The following CIC variants were observed in gnomAD, a reference collection of about 807,000 sequenced individuals.
CIC encodes protein capicua homolog.
Under a neutral mutation model 115.7 loss-of-function variants are expected in CIC, and 18 were observed. The observed-to-expected ratio is 0.16, with a 90% CI of 0.11 to 0.23. CIC has a LOEUF of 0.23. CIC is among the 10% of genes least tolerant of loss of function. The pLI is 1.00. For synonymous variants in CIC, 1,076 were observed against 923.0 expected, an observed-to-expected ratio of 1.17 and a Z score of -3.01; for missense variants, 2,000 against 2,159.3, an observed-to-expected ratio of 0.93 and a Z score of 1.46.
Position 42,295,251 on chromosome 19 carries a change from G to A in CIC, c.*60G>A. On this transcript the variant is annotated 3_prime_UTR_variant, in exon 21 of 21. Transcript: ENST00000681038. ...CCCCTCAGGACATGGACAGTATGTG[G>A]GGGCAGGAAGGTTATCTCCTCCCGG... 6 of 1,439,456 alleles carry A rather than the reference G, an allele frequency of 4.2e-6. No homozygotes were observed. The highest frequency in any genetic ancestry group is 5.6e-6 in the Non-Finnish European group (6 of 1,063,548). 89.2% of individuals were successfully genotyped at this position (1,439,456 alleles called of 1,614,324 possible). A position where few individuals can be genotyped will look rare whatever the true frequency, so the allele number is the denominator to read the frequency against.
intron 2 of CIC, among the ~76,000 whole-genome samples, chr19:42,281,401 G>A (rs1265934730): frequency 1.3e-5 from 2 of 152,202 alleles, no homozygotes; most frequent in African/African-American, 4.8e-5. Flanking sequence ...GGTGGCTGTT[G>A]ATGTCTTCGT....
In CIC at chr19:42,271,833, G is replaced by T. The variant is rs962567889; in HGVS notation, c.50G>T (p.Gly17Val). 2 of 398,748 alleles carry T rather than the reference G, an allele frequency of 5.0e-6. No homozygotes were observed. The highest frequency in any genetic ancestry group is 6.3e-4 in the Middle Eastern group (1 of 1,590). The allele number at this position is 398,748 out of a possible 1,614,324, so 24.7% of individuals were successfully genotyped here. The change falls in exon 2 of 21, where the codon GGC (glycine) becomes GTC (valine). Residue 17 changes from glycine to valine, a missense_variant. Coordinates refer to ENST00000681038, the MANE Select transcript of CIC (RefSeq NM_001386298.1). The part of the protein sequence containing the change: ...ACTGLSGPGS[G>V]SKSPPATRAK... ...ACTGGCCTTTCAGGTCCTGGCAGTG[G>T]CAGCAAGTCCCCCCCAGCCACCAGG...
chr19:42,274,795 G>C (rs541115997), intron 2 of CIC, among the ~76,000 whole-genome samples: 1 of 152,234 alleles, frequency 6.6e-6, no homozygotes, highest in Non-Finnish European at 1.5e-5. Flanking sequence ...GTCAGAGAAC[G>C]TGGTCTCAAG....
chr19:42,290,118 G>C, intron 10 of CIC, 115 bp from the exon 11 acceptor site: 1 of 1,506,730 alleles, frequency 6.6e-7, no homozygotes, highest in Non-Finnish European at 9.2e-7. Context: ...CCTTCAGCTG[G>C]CAGGGGTGCA....
chr19:42,294,212 G>T lies in CIC; in HGVS notation c.6962G>T (p.Arg2321Leu), dbSNP rs2038356171. The stretch of plus-strand genomic sequence containing the variant: ...CCCGAGGACCCCACCTCGCCCAAGC[G>T]CAAGATGAGAAGACGCTCCAGCTGC... ...SAPEDPTSPKRKMRRRSSCSS... is the reference protein window; with the variant it reads ...SAPEDPTSPKLKMRRRSSCSS... Residue 2321 changes from arginine (R) to leucine (L), a missense_variant, in exon 19 of 21, where the codon CGC becomes CTC. By Grantham distance (102) the Arg-to-Leu change is moderately radical (BLOSUM62 -2). Transcript: ENST00000681038. 1 of 1,613,714 alleles carries T rather than the reference G, an allele frequency of 6.2e-7. No homozygotes were observed. Among genetic ancestry groups the T allele is most frequent in the African/African-American group, 1.3e-5 (1 of 74,926 alleles).
At chr19:42,283,113 TATG>T (rs750685749) in intron 2 of CIC, among the ~76,000 whole-genome samples, 29 of 152,008 alleles carry the variant, frequency 1.9e-4, no homozygotes, top group Non-Finnish European at 3.8e-4. Flanking sequence ...GTGGGGTCGG[TATG>T]ATGGTGTCTG....
chr19:42,289,988 C>T (rs768660183), intron 10 of CIC, 37 bp downstream of exon 10: 1 of 1,516,198 alleles, frequency 6.6e-7, no homozygotes, highest in South Asian at 1.2e-5. Context: ...CCATCACACT[C>T]CCTCCTAAGC....
intron 2 of CIC, among the ~76,000 whole-genome samples, chr19:42,277,207 G>A (rs1185040731): frequency 6.6e-6 from 1 of 152,198 alleles, no homozygotes; most frequent in Non-Finnish European, 1.5e-5. Flanking sequence ...TAAGTGACTT[G>A]CCCGGGTCCT....
At chr19:42,292,064 C>G in intron 12 of CIC, 22 bp from the exon 13 acceptor site, 7 of 1,613,170 alleles carry the variant, frequency 4.3e-6, no homozygotes, top group Non-Finnish European at 5.9e-6. Flanking sequence ...TCACCCTGGC[C>G]TATGGGTGCC....
In CIC at chr19:42,294,224, G is replaced by A. The variant is rs2147343848; in HGVS notation, c.6974G>A (p.Arg2325Lys). The A allele has an allele frequency of 6.2e-7, 1 of 1,613,844 alleles. No individual in the cohort carries two copies. Among genetic ancestry groups the A allele is most frequent in the South Asian group, 1.1e-5 (1 of 91,088 alleles). The change falls in exon 19 of 21, where the codon AGA becomes AAA. Residue 2325 changes from arginine (R) to lysine (K), a missense_variant. By Grantham distance (26) the Arg-to-Lys change is conservative (BLOSUM62 2). This residue lies in a region of CIC where 99 missense variants were observed against 217.6 expected (regional missense o/e 0.45). Transcript: ENST00000681038. ...DPTSPKRKMR[R>K]RSSCSSEPNT... Reference sequence around the variant, plus strand: ...ACCTCGCCCAAGCGCAAGATGAGAAGACGCTCCAGCTGCAGCTCGGAGCCC... The same window carrying A: ...ACCTCGCCCAAGCGCAAGATGAGAAAACGCTCCAGCTGCAGCTCGGAGCCC...
chr19:42,293,225 C>T lies in CIC; in HGVS notation c.6466C>T (p.Pro2156Ser). The T allele has an allele frequency of 1.3e-6, 2 of 1,595,256 alleles. No homozygotes were observed. Among genetic ancestry groups the T allele is most frequent in the Non-Finnish European group, 1.7e-6 (2 of 1,172,346 alleles). ...CTGGACTCCCACGGCCCGGAGCAGC[C>T]CCCCACTGCCCCCACCTGCTGAGGA... ...ETWTPTARSS[P>S]PLPPPAEERT... Residue 2156 changes from proline to serine, a missense_variant, in exon 16 of 21, where the codon CCC (proline) becomes TCC (serine). Coordinates refer to ENST00000681038, the MANE Select transcript of CIC (RefSeq NM_001386298.1).
intron 7 of CIC, among the ~76,000 whole-genome samples, chr19:42,288,584 T>A (rs554513072): frequency 3.8e-4 from 58 of 152,258 alleles, no homozygotes; most frequent in African/African-American, 1.3e-3. Flanking sequence ...CTCTTTGAGA[T>A]GAGGGAACCG....
In CIC at chr19:42,295,689, T is replaced by A; in HGVS notation, c.*498T>A. 1 of 224,738 alleles carries A rather than the reference T, an allele frequency of 4.4e-6. No individual in the cohort carries two copies. The highest frequency in any genetic ancestry group is 8.9e-6 in the Non-Finnish European group (1 of 112,714). The allele number at this position is 224,738 out of a possible 1,614,324, so 13.9% of individuals were successfully genotyped here. ...TGGGTTGTACTTTCTAAGAAGGTGATTCCCCCTGCCCTTGCCCCCTTCCCC... is the reference window on the plus strand; with the variant it reads ...TGGGTTGTACTTTCTAAGAAGGTGAATCCCCCTGCCCTTGCCCCCTTCCCC... On this transcript the variant is annotated 3_prime_UTR_variant, in exon 21 of 21. Coordinates refer to ENST00000681038, the MANE Select transcript of CIC (RefSeq NM_001386298.1).
In CIC at chr19:42,295,564, C is replaced by T. The variant is rs974090332; in HGVS notation, c.*373C>T. On this transcript the variant is annotated 3_prime_UTR_variant, in exon 21 of 21. Transcript: ENST00000681038. The stretch of plus-strand genomic sequence containing the variant: ...GGGAGTTCATGCACCCCTTTTTTCC[C>T]CAGAGGGGCTGGACTCAGGTTAGTT... 2 of 259,054 alleles carry T rather than the reference C, an allele frequency of 7.7e-6. No individual in the cohort carries two copies. The highest frequency in any genetic ancestry group is 1.5e-5 in the Non-Finnish European group (2 of 134,466). 16.0% of individuals were successfully genotyped at this position (259,054 alleles called of 1,614,324 possible). A position where few individuals can be genotyped will look rare whatever the true frequency, so the allele number is the denominator to read the frequency against.
intron 2 of CIC, among the ~76,000 whole-genome samples, chr19:42,283,285 T>C (rs1482064836): frequency 6.6e-6 from 1 of 151,992 alleles, no homozygotes; most frequent in African/African-American, 2.4e-5. Context: ...ATGTTGTCTG[T>C]TTGCATGATT....
intron 2 of CIC, among the ~76,000 whole-genome samples, chr19:42,277,034 T>C (rs1268594971): frequency 6.6e-6 from 1 of 152,206 alleles, no homozygotes; most frequent in Admixed American, 6.5e-5. Context: ...CTACCAAAAG[T>C]GGCAGTAATA....
chr19:42,292,055 C>T (rs2038161946), intron 12 of CIC, 31 bp from the exon 13 acceptor site: 3 of 1,612,802 alleles, frequency 1.9e-6, no homozygotes, highest in East Asian at 4.5e-5. Context: ...GGCCACAGCT[C>T]ACCCTGGCCT....
At chr19:42,269,650 G>T (rs1041604886) in intron 1 of CIC, among the ~76,000 whole-genome samples, 10 of 151,620 alleles carry the variant, frequency 6.6e-5, no homozygotes, top group Admixed American at 6.6e-4. Context: ...CAGAGTTGGA[G>T]AGTGTGACAA....
At position 42,294,109 on chromosome 19, in the gene CIC, C is replaced by G. The variant is rs1448232213; in HGVS notation, c.6922+20C>G. 2 of 1,613,588 alleles carry G rather than the reference C, an allele frequency of 1.2e-6. No individual in the cohort carries two copies. The highest frequency in any genetic ancestry group is 1.3e-5 in the African/African-American group (1 of 74,898). ...CCACGGGTAGGCGAGCATTGGGCAC[C>G]CAGGGTCCTTAGGTGGAGGGCAGAC... On this transcript the variant is annotated intron_variant, in intron 18 of 20. Transcript: ENST00000681038.
Sources: allele counts gnomAD v4.1 joint callset (sites outside exome capture counted in the v4.1 genomes callset), GRCh38; gene constraint gnomAD v4.1.1; regional missense constraint gnomAD v4.1.1; transcripts MANE v1.5; gene names NCBI Gene and HGNC (gene_info 2026-07-23, HGNC 2026-07-21).